ARPP21: variants seen among roughly 807,000 people sequenced by gnomAD.
ARPP21 encodes the protein cAMP regulated phosphoprotein 21.
Under a neutral mutation model 113.2 loss-of-function variants are expected in ARPP21, and 69 were observed. The observed-to-expected ratio is 0.61, with a 90% CI of 0.50 to 0.74. The LOEUF (loss-of-function observed/expected upper bound fraction) is 0.74. ARPP21 is among the 30% of genes least tolerant of loss of function. The pLI is 0.00. For missense variants in ARPP21, 1,070 were observed against 1,037.4 expected (o/e 1.03, Z -0.43); for synonymous variants, 368 against 375.5 (o/e 0.98, Z 0.23).
intron 19 of ARPP21, among the ~76,000 whole-genome samples, chr3:35,772,457 T>G (rs944394878): frequency 1.3e-5 from 2 of 152,166 alleles, no homozygotes; most frequent in African/African-American, 4.8e-5. Flanking sequence ...CTCAGAGCCT[T>G]ACTACTCAGT....
chr3:35,755,523 T>C (rs2095541588), intron 19 of ARPP21, among the ~76,000 whole-genome samples: 1 of 152,126 alleles, frequency 6.6e-6, no homozygotes, highest in Admixed American at 6.6e-5. Flanking sequence ...ATTCTGCACA[T>C]GTCTCTCCAT....
Position 35,683,783 on chromosome 3 carries a change from G to T in ARPP21, c.229G>T (p.Ala77Ser). 1 of 1,553,286 alleles carries T rather than the reference G, an allele frequency of 6.4e-7. No homozygotes were observed. The highest frequency in any genetic ancestry group is 1.7e-4 in the Middle Eastern group (1 of 5,924). The stretch of plus-strand genomic sequence containing the variant: ...CCTTGCTGTCTGTGAGGAATCTTCT[G>T]CCAGACCAGGAGGTGAAAGTCTTCA... Reference protein sequence around the residue: ...RSLAVCEESSARPGGESLQDQ... With the variant: ...RSLAVCEESSSRPGGESLQDQ... The change falls in exon 5 of 21, where the codon GCC becomes TCC. Residue 77 changes from alanine (A) to serine (S), a missense_variant. Coordinates refer to ENST00000684406, the MANE Select transcript of ARPP21 (RefSeq NM_001385562.1).
chr3:35,687,029 A>G (rs2080830486), intron 5 of ARPP21, among the ~76,000 whole-genome samples: 1 of 151,232 alleles, frequency 6.6e-6, no homozygotes, highest in South Asian at 2.1e-4. Context: ...GCTAAAATAA[A>G]ATAATATTAA....
chr3:35,684,890 A>G, intron 5 of ARPP21: 2 of 985,162 alleles, frequency 2.0e-6, no homozygotes, highest in Non-Finnish European at 2.4e-6. Context: ...TATGTTTCGT[A>G]CACATGCTTT....
chr3:35,667,885 A>AGAAGAG (rs1553645947), intron 1 of ARPP21, among the ~76,000 whole-genome samples: 2,780 of 97,462 alleles, frequency 0.029, 263 homozygotes, highest in Middle Eastern at 0.053. Context: ...AAGAAGAAGA[A>AGAAGAG]GAAGAGGAAG....
chr3:35,740,259 C>A (rs2094577580), intron 18 of ARPP21, among the ~76,000 whole-genome samples: 1 of 152,182 alleles, frequency 6.6e-6, no homozygotes, highest in South Asian at 2.1e-4. Context: ...TCTTGGGTAT[C>A]CCTTGCAGAA....
chr3:35,663,153 TAAC>T (rs1559537035), intron 1 of ARPP21, among the ~76,000 whole-genome samples: 1 of 151,966 alleles, frequency 6.6e-6, no homozygotes, highest in African/African-American at 2.4e-5. Flanking sequence ...TAAAAAAAAA[TAAC>T]AACAGAAACT....
At chr3:35,779,558 GATAA>G in intron 19 of ARPP21, among the ~76,000 whole-genome samples, 1 of 150,040 alleles carries the variant, frequency 6.7e-6, no homozygotes, top group Non-Finnish European at 1.5e-5. Flanking sequence ...GCATACTCAA[GATAA>G]ATGAATGTAG....
chr3:35,747,070 G>A (rs1011385083), intron 19 of ARPP21, among the ~76,000 whole-genome samples: 6 of 152,290 alleles, frequency 3.9e-5, no homozygotes, highest in East Asian at 3.9e-4. Context: ...TAATGTTGGG[G>A]CCAGGTGTGG....
chr3:35,748,407 G>A (rs1272164256), intron 19 of ARPP21, among the ~76,000 whole-genome samples: 1 of 140,724 alleles, frequency 7.1e-6, no homozygotes, highest in Non-Finnish European at 1.5e-5. Flanking sequence ...AAGGGAGAAA[G>A]GAGAGAGAAA....
intron 9 of ARPP21, among the ~76,000 whole-genome samples, chr3:35,695,293 T>C (rs1055470452): frequency 1.3e-5 from 2 of 151,554 alleles, no homozygotes; most frequent in African/African-American, 4.8e-5. Context: ...AGAGCAGAGA[T>C]GTTATGTTTT....
At chr3:35,680,972 C>T (rs1242586659) in intron 2 of ARPP21, 1 of 151,838 alleles carries the variant, frequency 6.6e-6, no homozygotes, top group African/African-American at 2.4e-5. Context: ...TTTCCAGTGT[C>T]TATAGACTAT....
intron 1 of ARPP21, among the ~76,000 whole-genome samples, chr3:35,648,583 C>T (rs1337443253): frequency 6.6e-6 from 1 of 152,180 alleles, no homozygotes; most frequent in Non-Finnish European, 1.5e-5. Context: ...CTGATCTGGC[C>T]TCTGATCCTA....
intron 19 of ARPP21, among the ~76,000 whole-genome samples, chr3:35,747,660 G>A (rs1016526635): frequency 9.9e-5 from 15 of 152,162 alleles, no homozygotes; most frequent in Admixed American, 6.5e-5. Flanking sequence ...GTACTTGCCA[G>A]TAGTCCCAGC....
At chr3:35,668,027 A>AGAAGGAGAAGGAGAAGGAGAAGG (rs2075309284) in intron 1 of ARPP21, among the ~76,000 whole-genome samples, 1 of 132,368 alleles carries the variant, frequency 7.6e-6, no homozygotes, top group African/African-American at 2.8e-5. Context: ...GAAGAAGAAG[A>AGAAGGAGAAGGAGAAGGAGAAGG]AGAAGGAGAA....
At chr3:35,749,337 G>A (rs1210860208) in intron 19 of ARPP21, among the ~76,000 whole-genome samples, 1 of 145,384 alleles carries the variant, frequency 6.9e-6, no homozygotes, top group East Asian at 2.1e-4. Flanking sequence ...CTTTTAAATG[G>A]TTTCCAACTC....
intron 9 of ARPP21, among the ~76,000 whole-genome samples, chr3:35,699,478 T>C (rs2085425069): frequency 6.6e-6 from 1 of 151,712 alleles, no homozygotes; most frequent in Admixed American, 6.6e-5. Flanking sequence ...TCAGTACAAC[T>C]CTTCAAACAA....
chr3:35,713,885 A>C (rs924580140), intron 11 of ARPP21, among the ~76,000 whole-genome samples: 2 of 152,172 alleles, frequency 1.3e-5, no homozygotes, highest in East Asian at 1.9e-4. Context: ...ACCACTTTCC[A>C]ACTATGAGAG....
intron 13 of ARPP21, among the ~76,000 whole-genome samples, chr3:35,718,577 T>A (rs1338823540): frequency 1.3e-5 from 2 of 152,060 alleles, no homozygotes; most frequent in African/African-American, 4.8e-5. Flanking sequence ...GTTAGCCATC[T>A]CAAATATGGA....
Sources: allele counts gnomAD v4.1 joint callset (sites outside exome capture counted in the v4.1 genomes callset), GRCh38; gene constraint gnomAD v4.1.1; transcripts MANE v1.5; gene names NCBI Gene and HGNC (gene_info 2026-07-23, HGNC 2026-07-21).